Variants in GTF2H1 observed in about 807,000 individuals in gnomAD.
GTF2H1 encodes the protein BTF2 p62.
In GTF2H1, 16 loss-of-function variants were observed where a neutral mutation model predicts 71.2. The observed-to-expected ratio is 0.22, with a 90% confidence interval of 0.15 to 0.34. The LOEUF (loss-of-function observed/expected upper bound fraction) is 0.34, where lower values mean the gene tolerates loss of function less well. Among genes scored for constraint, GTF2H1 ranks in the 10% least tolerant of loss-of-function variants. The pLI is 1.00. For synonymous variants in GTF2H1, 215 were observed against 219.0 expected, an observed-to-expected ratio of 0.98 and a Z score of 0.16; for missense variants, 498 against 648.2, an observed-to-expected ratio of 0.77 and a Z score of 2.52.
At chr11:18,347,809 T>G (rs780734674) in intron 8 of GTF2H1, 23 bp from the exon 9 acceptor site, 2 of 1,585,508 alleles carry the variant, frequency 1.3e-6, no homozygotes, top group Admixed American at 3.6e-5. Flanking sequence ...TAACGTTAAC[T>G]TTTTTTTCCC....
At chr11:18,356,787 GTT>G (rs34873148) in intron 11 of GTF2H1, among the ~76,000 whole-genome samples, 52,749 of 113,200 alleles carry the variant, frequency 0.47, 10,192 homozygotes, top group East Asian at 0.84. Flanking sequence ...GTCAATCTTT[GTT>G]TTTTTTTTTT....
intron 1 of GTF2H1, among the ~76,000 whole-genome samples, chr11:18,323,571 A>G (rs1864630223): frequency 1.3e-5 from 2 of 152,214 alleles, no homozygotes; most frequent in African/African-American, 2.4e-5. Context: ...AAACAAAAAA[A>G]AAACTGAGTG....
At position 18,323,564 on chromosome 11, in the gene GTF2H1, CA is replaced by C. The variant is rs375315689; in HGVS notation, c.-16+834del. Among the ~76,000 whole-genome samples, 400 of 146,584 alleles carry C rather than the reference CA, an allele frequency of 2.7e-3. 2 individuals carry two copies. The highest frequency in any genetic ancestry group is 9.6e-3 in the African/African-American group (387 of 40,104). ...GAAGACCCAGTCTTAAAAACAAAAA[CA>C]AAAAAAAAACTGAGTGGTTTGAATG... is the stretch of plus-strand genomic sequence containing the variant. On this transcript the variant is annotated intron_variant, in intron 1 of 14. Transcript: ENST00000265963.
intron 3 of GTF2H1, among the ~76,000 whole-genome samples, chr11:18,337,266 T>TA (rs924753318): frequency 1.3e-5 from 2 of 151,724 alleles, no homozygotes; most frequent in African/African-American, 4.8e-5. Context: ...CCACGTCTAC[T>TA]AAAAAAAATA....
intron 11 of GTF2H1, among the ~76,000 whole-genome samples, chr11:18,353,140 A>C (rs1865466415): frequency 6.6e-6 from 1 of 152,250 alleles, no homozygotes; most frequent in Non-Finnish European, 1.5e-5. Flanking sequence ...CAGGAGAATC[A>C]CTTGAACCTG....
Position 18,341,330 on chromosome 11 carries a change from A to G in GTF2H1, c.677A>G (p.Gln226Arg). 7 of 1,613,826 alleles carry G rather than the reference A, an allele frequency of 4.3e-6. No individual in the cohort carries two copies. Among genetic ancestry groups the G allele is most frequent in the Non-Finnish European group, 5.9e-6 (7 of 1,179,724 alleles). Residue 226 changes from glutamine to arginine, a missense_variant, in exon 6 of 15, where the codon CAG becomes CGG. By Grantham distance (43) the Gln-to-Arg change is conservative (BLOSUM62 1). Transcript: ENST00000265963. ...TEKEFWTRFF[Q>R]SHYFHRDRLN... ...AAGGAATTCTGGACACGTTTTTTCC[A>G]GTCCCATTATTTTCACAGGGATCGG...
chr11:18,348,358 G>T (rs1490751988), intron 9 of GTF2H1: 1 of 209,640 alleles, frequency 4.8e-6, no homozygotes, highest in East Asian at 1.0e-4. Context: ...AAATATTGAA[G>T]AAATCATTTG....
At chr11:18,336,970 C>G (rs542793782) in intron 3 of GTF2H1, among the ~76,000 whole-genome samples, 1 of 152,222 alleles carries the variant, frequency 6.6e-6, no homozygotes, top group African/African-American at 2.4e-5. Flanking sequence ...AGGCTGGTCT[C>G]AAACTCCTGA....
chr11:18,352,401 A>G lies in GTF2H1; in HGVS notation c.1215A>G (p.Gln405=). The change falls in exon 11 of 15, where the codon CAA becomes CAG. Residue 405 remains glutamine (Q), a synonymous_variant. Transcript: ENST00000265963. ...GTCAGGACATTATTAATTCTTTTCA[A>G]AGTATTAGACAAGAAATGGAAGCTT... The part of the protein sequence containing the change: ...ATSQDIINSF[Q]SIRQEMEAYT... 1.3e-6 allele frequency: 2 copies of G among 1,577,824 alleles called. No individual in the cohort carries two copies. The highest frequency in any genetic ancestry group is 1.3e-5 in the African/African-American group (1 of 74,322).
chr11:18,337,644 T>C (rs759228930), intron 3 of GTF2H1, among the ~76,000 whole-genome samples: 1 of 152,050 alleles, frequency 6.6e-6, no homozygotes, highest in Non-Finnish European at 1.5e-5. Flanking sequence ...CAAATAAAAA[T>C]ATAACTATTT....
intron 1 of GTF2H1, among the ~76,000 whole-genome samples, chr11:18,322,956 A>G (rs1864560391): frequency 6.6e-6 from 1 of 152,168 alleles, no homozygotes. Flanking sequence ...CTGCTCTTAA[A>G]TTGAGAGCAG....
chr11:18,338,261 C>A lies in GTF2H1; in HGVS notation c.500C>A (p.Ser167Tyr). Reference sequence around the variant, plus strand: ...AATCATAAGCAGGATGTTGGCATTTCTGCTGCATTTCTGGTATGTGAGCCT... The same window carrying A: ...AATCATAAGCAGGATGTTGGCATTTATGCTGCATTTCTGGTATGTGAGCCT... ...TSNHKQDVGI[S>Y]AAFLADVRPQ... Residue 167 changes from serine to tyrosine, a missense_variant, in exon 4 of 15, where the codon TCT (serine) becomes TAT (tyrosine). Around this residue, in one of 3 missense-constraint regions of GTF2H1, gnomAD observed 216 missense variants for 306.2 expected, o/e 0.71. Coordinates refer to ENST00000265963, the MANE Select transcript of GTF2H1 (RefSeq NM_005316.4). 1 of 1,609,390 alleles carries A rather than the reference C, an allele frequency of 6.2e-7. No individual in the cohort carries two copies. The highest frequency in any genetic ancestry group is 8.5e-7 in the Non-Finnish European group (1 of 1,175,804).
In GTF2H1 at chr11:18,345,815, G is replaced by A. The variant is rs4150633; in HGVS notation, c.838-1773G>A. Among the ~76,000 whole-genome samples, 132 of 26,214 alleles carry A rather than the reference G, an allele frequency of 5.0e-3. 3 individuals are homozygous for A. The East Asian group carries it at 0.39, about 77-fold the overall frequency. 17.2% of individuals were successfully genotyped at this position (26,214 alleles called of 152,430 possible). A position where few individuals can be genotyped will look rare whatever the true frequency, so the allele number is the denominator to read the frequency against. On this transcript the variant is annotated intron_variant, in intron 7 of 14. Coordinates refer to ENST00000265963, the MANE Select transcript of GTF2H1 (RefSeq NM_005316.4). Reference sequence around the variant, plus strand: ...ATATGAGTTTTTTTTTTTTTGAGACGGAGTCTTGCTGTCACCCAGGCTAGA... The same window carrying A: ...ATATGAGTTTTTTTTTTTTTGAGACAGAGTCTTGCTGTCACCCAGGCTAGA...
intron 2 of GTF2H1, among the ~76,000 whole-genome samples, chr11:18,334,273 G>C (rs535871274): frequency 6.6e-6 from 1 of 152,082 alleles, no homozygotes; most frequent in African/African-American, 2.4e-5. Flanking sequence ...CCAGCTCCTC[G>C]GGAGCCTGAG....
intron 1 of GTF2H1, among the ~76,000 whole-genome samples, chr11:18,323,645 A>G (rs1864639101): frequency 6.6e-6 from 1 of 152,134 alleles, no homozygotes; most frequent in Non-Finnish European, 1.5e-5. Flanking sequence ...CAGACTTGTG[A>G]TTTTCAAACA....
At chr11:18,359,571 A>C (rs887754407) in intron 13 of GTF2H1, among the ~76,000 whole-genome samples, 6 of 152,170 alleles carry the variant, frequency 3.9e-5, no homozygotes, top group African/African-American at 1.4e-4. Flanking sequence ...GAAATTTAGG[A>C]AATAATTAGG....
chr11:18,339,671 G>A lies in GTF2H1; in HGVS notation c.607+14G>A, dbSNP rs376482297. ...CCTATCCAGCAGGTAAGAAGAATCA[G>A]TTCTTTCAGATGGTTAAAATATATG... On this transcript the variant is annotated intron_variant, in intron 5 of 14. Coordinates refer to ENST00000265963, the MANE Select transcript of GTF2H1 (RefSeq NM_005316.4). The A allele has an allele frequency of 1.6e-5, 23 of 1,410,140 alleles. No individual in the cohort carries two copies. The highest frequency in any genetic ancestry group is 1.6e-4 in the African/African-American group (11 of 70,840). The allele number at this position is 1,410,140 out of a possible 1,614,324, so 87.4% of individuals were successfully genotyped here.
intron 1 of GTF2H1, among the ~76,000 whole-genome samples, chr11:18,332,441 T>C (rs1161392287): frequency 2.6e-5 from 4 of 152,182 alleles, no homozygotes; most frequent in Admixed American, 6.5e-5. Context: ...CCAGACTCTT[T>C]CTTAGGTAAC....
Position 18,366,910 on chromosome 11 carries a change from A to AAG in GTF2H1, c.*1041_*1042insAG, listed in dbSNP as rs1865838759. The AAG allele has an allele frequency of 6.6e-6, 1 of 151,516 alleles. No homozygotes were observed. Among genetic ancestry groups the AAG allele is most frequent in the Non-Finnish European group, 1.5e-5 (1 of 67,864 alleles). The allele number at this position is 151,516 out of a possible 1,614,324, so 9.4% of individuals were successfully genotyped here. On this transcript the variant is annotated 3_prime_UTR_variant, in exon 15 of 15. Coordinates refer to ENST00000265963, the MANE Select transcript of GTF2H1 (RefSeq NM_005316.4). ...GCCTAAGTGCAAAAAAAAAAAAAAA[A>AAG]GATGTTCTTGTTTCTGAACTTCGTG... is the stretch of plus-strand genomic sequence containing the variant.
Sources: gnomAD v4.1 joint callset for allele counts (sites outside exome capture counted in the v4.1 genomes callset) on GRCh38, gnomAD v4.1.1 for gene constraint, gnomAD v4.1.1 regional missense constraint, MANE v1.5 for transcripts, NCBI Gene and HGNC (gene_info 2026-07-23, HGNC 2026-07-21) for gene names.